OPN3: variants seen among roughly 807,000 people sequenced by gnomAD.
OPN3 encodes opsin 3, also known as opsin-3.
Under a neutral mutation model 33.8 loss-of-function variants are expected in OPN3, and 29 were observed. The observed-to-expected ratio is 0.86, with a 90% CI of 0.64 to 1.17. The LOEUF (loss-of-function observed/expected upper bound fraction) is 1.17, where lower values mean the gene tolerates loss of function less well. Among genes scored for constraint, OPN3 ranks in the 50% most tolerant of loss-of-function variants. The pLI is 0.00. For missense variants in OPN3, 437 were observed against 514.1 expected (o/e 0.85, Z 1.45); for synonymous variants, 216 against 216.1 (o/e 1.00, Z 0.00).
At chr1:241,602,528 G>A (rs1039637077) in intron 2 of OPN3, among the ~76,000 whole-genome samples, 2 of 152,222 alleles carry the variant, frequency 1.3e-5, no homozygotes, top group Non-Finnish European at 2.9e-5. Flanking sequence ...CCCAGGTAGA[G>A]TAGCTGGCAA....
chr1:241,603,014 A>G (rs1021571259), intron 2 of OPN3, among the ~76,000 whole-genome samples: 16 of 152,212 alleles, frequency 1.1e-4, no homozygotes, highest in African/African-American at 3.6e-4. Context: ...GGGAGCTGAG[A>G]GTAGATTGTG....
In OPN3 at chr1:241,594,871, T is replaced by C. The variant is rs1356595937; in HGVS notation, c.946-180A>G. The stretch of plus-strand genomic sequence containing the variant: ...AATCACCCCAGAGCTTTATGTCTTT[T>C]ATTCATTCTAATTCTTATTAACCGG... On this transcript the variant is annotated intron_variant, in intron 3 of 3. Transcript: ENST00000366554. 6.3e-6 allele frequency: 4 copies of C among 631,000 alleles called. No homozygotes were observed. In the East Asian group the frequency reaches 1.1e-4, roughly 18 times the overall value. The allele number at this position is 631,000 out of a possible 1,614,324, so 39.1% of individuals were successfully genotyped here. A position where few individuals can be genotyped will look rare whatever the true frequency, so the allele number is the denominator to read the frequency against.
At chr1:241,635,662 C>T in intron 1 of OPN3, 2 of 1,614,046 alleles carry the variant, frequency 1.2e-6, no homozygotes, top group Non-Finnish European at 1.7e-6. Flanking sequence ...AATCAATATG[C>T]AGAACCCTCT....
At chr1:241,620,365 T>G (rs1664243888) in intron 1 of OPN3, among the ~76,000 whole-genome samples, 1 of 152,218 alleles carries the variant, frequency 6.6e-6, no homozygotes, top group Admixed American at 6.5e-5. Flanking sequence ...CAAATGCATG[T>G]GCTGAAACCC....
At chr1:241,636,955 T>TAA (rs11457259) in intron 1 of OPN3, among the ~76,000 whole-genome samples, 140 of 148,074 alleles carry the variant, frequency 9.5e-4, no homozygotes, top group Admixed American at 1.7e-3. Context: ...AGGGGAAGTT[T>TAA]AAAAAAAAAA....
In OPN3 at chr1:241,605,473, C is replaced by T. The variant is rs138852774; in HGVS notation, c.374-894G>A. Among the ~76,000 whole-genome samples, 31 of 152,306 alleles carry T rather than the reference C, an allele frequency of 2.0e-4. 1 individual carries two copies. The highest frequency in any genetic ancestry group is 7.7e-4 in the East Asian group (4 of 5,184). On this transcript the variant is annotated intron_variant, in intron 1 of 3. Coordinates refer to ENST00000366554, the MANE Select transcript of OPN3 (RefSeq NM_014322.3). ...GTGTACCGCTATTTTGCAACAAGTC[C>T]GCTTTAATGATACTGTTTGTATATT...
intron 2 of OPN3, among the ~76,000 whole-genome samples, chr1:241,603,439 G>A (rs1033819290): frequency 4.7e-5 from 7 of 149,938 alleles, no homozygotes; most frequent in Admixed American, 2.0e-4. Flanking sequence ...GAACAAGGCT[G>A]AGAGGACATC....
At chr1:241,628,338 T>TA (rs1042435329) in intron 1 of OPN3, among the ~76,000 whole-genome samples, 3 of 152,202 alleles carry the variant, frequency 2.0e-5, no homozygotes, top group African/African-American at 7.2e-5. Context: ...TTTGTATCTC[T>TA]AATTTCCCAG....
chr1:241,594,311 T>C lies in OPN3; in HGVS notation c.*117A>G. ...CATATGGGCAATTCGGATTTCCTGC[T>C]GGACCACAAGGTTCTGTTGATATTA... On this transcript the variant is annotated 3_prime_UTR_variant, in exon 4 of 4. Coordinates refer to ENST00000366554, the MANE Select transcript of OPN3 (RefSeq NM_014322.3). 8.5e-7 allele frequency: 1 copy of C among 1,176,836 alleles called. No individual in the cohort carries two copies. Among genetic ancestry groups the C allele is most frequent in the East Asian group, 2.4e-5 (1 of 42,284 alleles). The allele number at this position is 1,176,836 out of a possible 1,614,324, so 72.9% of individuals were successfully genotyped here.
intron 1 of OPN3, chr1:241,635,906 C>A: frequency 1.3e-6 from 1 of 768,222 alleles, no homozygotes; most frequent in Non-Finnish European, 2.1e-6. Context: ...TAACGGTTAC[C>A]CTTTTAAAAT....
At chr1:241,627,273 G>C (rs1640931253) in intron 1 of OPN3, among the ~76,000 whole-genome samples, 1 of 147,678 alleles carries the variant, frequency 6.8e-6, no homozygotes, top group South Asian at 2.3e-4. Flanking sequence ...TTCGCTATTT[G>C]TTGAAAAGCC....
At chr1:241,622,500 C>T (rs1294306984) in intron 1 of OPN3, among the ~76,000 whole-genome samples, 1 of 152,194 alleles carries the variant, frequency 6.6e-6, no homozygotes. Flanking sequence ...AACCCACCAC[C>T]CACCCAACAA....
intron 3 of OPN3, among the ~76,000 whole-genome samples, chr1:241,597,472 C>A (rs910900894): frequency 1.3e-5 from 2 of 152,094 alleles, no homozygotes; most frequent in African/African-American, 4.8e-5. Flanking sequence ...AACATTGTAG[C>A]TGTTATTACT....
chr1:241,635,887 C>T, intron 1 of OPN3: 1 of 991,648 alleles, frequency 1.0e-6, no homozygotes, highest in Non-Finnish European at 1.5e-6. Context: ...GTTGCAGGTC[C>T]TAGCTGTTTA....
In OPN3 at chr1:241,640,314, G is replaced by A. The variant is rs1665078366; in HGVS notation, c.-60C>T. ...CTCAGCTTGCGGCGGGGCTCGCGGC[G>A]CGCTCCGCACTGGGTGGGGTTGGGG... On this transcript the variant is annotated 5_prime_UTR_variant, in exon 1 of 4. Coordinates refer to ENST00000366554, the MANE Select transcript of OPN3 (RefSeq NM_014322.3). 4.5e-6 allele frequency: 5 copies of A among 1,099,092 alleles called. No individual in the cohort carries two copies. Among genetic ancestry groups the A allele is most frequent in the Non-Finnish European group, 5.5e-6 (5 of 906,902 alleles). 68.1% of individuals were successfully genotyped at this position (1,099,092 alleles called of 1,614,324 possible). A position where few individuals can be genotyped will look rare whatever the true frequency, so the allele number is the denominator to read the frequency against.
At chr1:241,616,992 ATC>A (rs1448066773) in intron 1 of OPN3, among the ~76,000 whole-genome samples, 3 of 152,368 alleles carry the variant, frequency 2.0e-5, no homozygotes, top group Non-Finnish European at 2.9e-5. Flanking sequence ...TGGATTTATC[ATC>A]TCTTATTCTC....
intron 2 of OPN3, chr1:241,600,352 A>C (rs904129174): frequency 3.4e-5 from 5 of 146,640 alleles, no homozygotes; most frequent in African/African-American, 1.2e-4. Flanking sequence ...AATATTTTCC[A>C]AATAAAAAAC....
intron 1 of OPN3, chr1:241,630,840 TTC>T (rs780547466): frequency 6.6e-6 from 1 of 152,122 alleles, no homozygotes; most frequent in Non-Finnish European, 1.5e-5. Flanking sequence ...TTACTATTTG[TTC>T]TTTTGATGCT....
Position 241,637,693 on chromosome 1 carries a change from C to G in OPN3, c.373+2189G>C, listed in dbSNP as rs542512480. 5.9e-5 allele frequency among the ~76,000 whole-genome samples: 9 copies of G among 152,182 alleles called. No homozygotes were observed. In the East Asian group the frequency reaches 1.5e-3, roughly 26 times the overall value. On this transcript the variant is annotated intron_variant, in intron 1 of 3. Coordinates refer to ENST00000366554, the MANE Select transcript of OPN3 (RefSeq NM_014322.3). Reference sequence around the variant, plus strand: ...TCAAAATGCAAAGCAAGTAGGATGGCCTTACAGAGCATTAAGCTGAATTAC... The same window carrying G: ...TCAAAATGCAAAGCAAGTAGGATGGGCTTACAGAGCATTAAGCTGAATTAC...
Sources: gnomAD v4.1 joint callset for allele counts (sites outside exome capture counted in the v4.1 genomes callset) on GRCh38, gnomAD v4.1.1 for gene constraint, MANE v1.5 for transcripts, NCBI Gene and HGNC (gene_info 2026-07-23, HGNC 2026-07-21) for gene names.